Variants in PPARGC1B observed in about 807,000 individuals in gnomAD.
PPARGC1B encodes the protein PPARG coactivator 1 beta.
Under a neutral mutation model 101.6 loss-of-function variants are expected in PPARGC1B, and 34 were observed. That is an observed-to-expected ratio of 0.33 (90% CI 0.25 to 0.45). PPARGC1B has a LOEUF of 0.45. Ranked by LOEUF, PPARGC1B falls within the 20% of genes least tolerant of loss-of-function variation. The pLI is 1.00. For missense variants in PPARGC1B, 1,234 were observed against 1,317.6 expected, an observed-to-expected ratio of 0.94 and a Z score of 0.98; for synonymous variants, 548 against 539.3, an observed-to-expected ratio of 1.02 and a Z score of -0.22.
intron 8 of PPARGC1B, 33 bp from the exon 9 acceptor site, chr5:149,840,008 G>GA (rs750556319): frequency 6.2e-7 from 1 of 1,610,600 alleles, no homozygotes; most frequent in East Asian, 2.2e-5. Context: ...TCTCCCGAGA[G>GA]TGAGTGCCTC....
chr5:149,753,510 C>CTATT (rs574145766), intron 1 of PPARGC1B, among the ~76,000 whole-genome samples: 1 of 151,936 alleles, frequency 6.6e-6, no homozygotes, highest in Admixed American at 6.6e-5. Flanking sequence ...TGTGCCTGGC[C>CTATT]TATTTATTTA....
chr5:149,792,477 G>A (rs556816597), intron 1 of PPARGC1B, among the ~76,000 whole-genome samples: 1 of 152,274 alleles, frequency 6.6e-6, no homozygotes, highest in East Asian at 1.9e-4. Flanking sequence ...GGGGATGAGA[G>A]GATTGGAATG....
chr5:149,755,008 A>G (rs540004315), intron 1 of PPARGC1B, among the ~76,000 whole-genome samples: 1 of 147,038 alleles, frequency 6.8e-6, no homozygotes, highest in South Asian at 2.1e-4. Flanking sequence ...TACACTACAT[A>G]TATATATACC....
At chr5:149,742,285 C>A (rs1165584704) in intron 1 of PPARGC1B, among the ~76,000 whole-genome samples, 3 of 152,164 alleles carry the variant, frequency 2.0e-5, no homozygotes, top group African/African-American at 7.2e-5. Context: ...CCTCCCTGTG[C>A]CCCTCTCCCA....
At chr5:149,765,105 G>T (rs1289114897) in intron 1 of PPARGC1B, among the ~76,000 whole-genome samples, 2 of 152,186 alleles carry the variant, frequency 1.3e-5, no homozygotes, top group Non-Finnish European at 2.9e-5. Context: ...CAAGAATAGT[G>T]CAGAGAAAGA....
chr5:149,734,535 C>T (rs931003505), intron 1 of PPARGC1B, among the ~76,000 whole-genome samples: 4 of 151,496 alleles, frequency 2.6e-5, no homozygotes, highest in South Asian at 4.2e-4. Flanking sequence ...AATCCTTTAT[C>T]GTTACTCATT....
chr5:149,730,416 C>G lies in PPARGC1B; in HGVS notation c.74C>G (p.Thr25Arg). The G allele has an allele frequency of 6.4e-7, 1 of 1,556,996 alleles. No individual in the cohort carries two copies. The highest frequency in any genetic ancestry group is 1.2e-5 in the South Asian group (1 of 83,424). The stretch of plus-strand genomic sequence containing the variant: ...TTCTTCCTCAACTATCTCGCTGACA[C>G]GCAGGTACGGCCGGCTGGGGCTGCG... ...SSFFLNYLAD[T>R]QGGGSGEEQL... Residue 25 changes from threonine (T) to arginine (R), a missense_variant, in exon 1 of 12, where the codon ACG (threonine) becomes AGG (arginine). Thr to Arg is a moderately conservative substitution (Grantham distance 71). Coordinates refer to ENST00000309241, the MANE Select transcript of PPARGC1B (RefSeq NM_133263.4). This position sits in a 1 kb window ranked among gnomAD's most constrained non-coding sequence, Gnocchi z 4.0.
chr5:149,851,874 C>G lies in PPARGC1B; in HGVS notation c.*4316C>G, dbSNP rs1759779478. 6.6e-6 allele frequency: 1 copy of G among 152,302 alleles called. No individual in the cohort carries two copies. Among genetic ancestry groups the G allele is most frequent in the African/African-American group, 2.4e-5 (1 of 41,470 alleles). The allele number at this position is 152,302 out of a possible 1,614,324, so 9.4% of individuals were successfully genotyped here. Reference sequence around the variant, plus strand: ...AAGACACCCAGGAAGTAGGCAAAGGCTGACTTTGCATTAAACAATAAAAGC... The same window carrying G: ...AAGACACCCAGGAAGTAGGCAAAGGGTGACTTTGCATTAAACAATAAAAGC... On this transcript the variant is annotated 3_prime_UTR_variant, in exon 12 of 12. Coordinates refer to ENST00000309241, the MANE Select transcript of PPARGC1B (RefSeq NM_133263.4).
In PPARGC1B at chr5:149,851,285, G is replaced by C. The variant is rs1297250889; in HGVS notation, c.*3727G>C. Reference sequence around the variant, plus strand: ...CACTGGGGCTGCTGTGCAGTGGTGAGTAAAAGGGCAGGGAAGGCATGGACA... The same window carrying C: ...CACTGGGGCTGCTGTGCAGTGGTGACTAAAAGGGCAGGGAAGGCATGGACA... On this transcript the variant is annotated 3_prime_UTR_variant, in exon 12 of 12. Coordinates refer to ENST00000309241, the MANE Select transcript of PPARGC1B (RefSeq NM_133263.4). 2 of 152,248 alleles carry C rather than the reference G, an allele frequency of 1.3e-5. No homozygotes were observed. Among genetic ancestry groups the C allele is most frequent in the Non-Finnish European group, 2.9e-5 (2 of 68,080 alleles). The allele number at this position is 152,248 out of a possible 1,614,324, so 9.4% of individuals were successfully genotyped here.
chr5:149,828,390 G>T (rs1216842722), intron 3 of PPARGC1B, among the ~76,000 whole-genome samples: 1 of 152,206 alleles, frequency 6.6e-6, no homozygotes, highest in Non-Finnish European at 1.5e-5. Context: ...TCTATAAAGA[G>T]GGGTTAATAA....
At chr5:149,812,088 C>T (rs555438820) in intron 1 of PPARGC1B, among the ~76,000 whole-genome samples, 54 of 152,318 alleles carry the variant, frequency 3.5e-4, no homozygotes, top group African/African-American at 9.6e-4. Context: ...TGAGAATCAC[C>T]AAGGTTGAGC....
intron 1 of PPARGC1B, among the ~76,000 whole-genome samples, chr5:149,752,649 T>G (rs1482720337): frequency 6.6e-6 from 1 of 152,008 alleles, no homozygotes; most frequent in African/African-American, 2.4e-5. Context: ...GCTAACATGG[T>G]GAAACCCTGT....
At chr5:149,842,160 T>C (rs1452437394) in intron 9 of PPARGC1B, 96 bp from the exon 10 acceptor site, 12 of 1,488,640 alleles carry the variant, frequency 8.1e-6, no homozygotes, top group African/African-American at 2.8e-5. Flanking sequence ...CCAGGCATCA[T>C]GGACTAGGAC....
Position 149,832,537 on chromosome 5 carries a change from A to G in PPARGC1B, c.583-119A>G. On this transcript the variant is annotated intron_variant, in intron 4 of 11. Coordinates refer to ENST00000309241, the MANE Select transcript of PPARGC1B (RefSeq NM_133263.4). The surrounding 1 kb of genome is among the most constrained non-coding windows in gnomAD (Gnocchi z 4.9). ...GGAAGCTGGGGACGGAATGAAGGAA[A>G]CCTGGCTGTTCCTATGATCCAGGTG... The G allele has an allele frequency of 1.2e-6, 1 of 811,386 alleles. No homozygotes were observed. Among genetic ancestry groups the G allele is most frequent in the Non-Finnish European group, 1.9e-6 (1 of 521,922 alleles). 50.3% of individuals were successfully genotyped at this position (811,386 alleles called of 1,614,324 possible). A position where few individuals can be genotyped will look rare whatever the true frequency, so the allele number is the denominator to read the frequency against.
At chr5:149,805,597 G>A (rs1333004678) in intron 1 of PPARGC1B, among the ~76,000 whole-genome samples, 1 of 152,038 alleles carries the variant, frequency 6.6e-6, no homozygotes, top group Admixed American at 6.5e-5. Flanking sequence ...GCACCACCAC[G>A]CCTGGCTAAT....
intron 2 of PPARGC1B, among the ~76,000 whole-genome samples, chr5:149,825,095 G>A (rs564353287): frequency 7.0e-4 from 107 of 152,364 alleles, no homozygotes; most frequent in Admixed American, 3.5e-3. Flanking sequence ...AGAACAGCCC[G>A]GGGACCAGGC....
intron 1 of PPARGC1B, among the ~76,000 whole-genome samples, chr5:149,741,153 T>C (rs1754890168): frequency 6.6e-6 from 1 of 152,206 alleles, no homozygotes; most frequent in Non-Finnish European, 1.5e-5. Flanking sequence ...CCGACAGCTC[T>C]GCAGCCGTAT....
intron 1 of PPARGC1B, among the ~76,000 whole-genome samples, chr5:149,747,278 G>A (rs1294714442): frequency 2.0e-5 from 3 of 152,134 alleles, no homozygotes; most frequent in Non-Finnish European, 4.4e-5. Flanking sequence ...GTTTATATAT[G>A]GTGTAAGGTA....
intron 2 of PPARGC1B, among the ~76,000 whole-genome samples, chr5:149,825,417 G>A (rs982646674): frequency 6.6e-6 from 1 of 152,238 alleles, no homozygotes; most frequent in Non-Finnish European, 1.5e-5. Context: ...CCTCTCTTCA[G>A]CCAAGCGCTG....
Sources: gnomAD v4.1 joint callset for allele counts (sites outside exome capture counted in the v4.1 genomes callset) on GRCh38, gnomAD v4.1.1 for gene constraint, Gnocchi (gnomAD v3.1) non-coding constraint, MANE v1.5 for transcripts, NCBI Gene and HGNC (gene_info 2026-07-23, HGNC 2026-07-21) for gene names.